Variants in PCDHA3 observed in about 807,000 individuals in gnomAD.
The protein encoded by PCDHA3 is protocadherin alpha 3, also known as protocadherin alpha-3.
A neutral mutation model predicts 62.2 loss-of-function variants in PCDHA3; 41 were observed. The observed-to-expected ratio is 0.66, with a 90% CI of 0.51 to 0.86. The LOEUF (loss-of-function observed/expected upper bound fraction) is 0.86, where lower values mean the gene tolerates loss of function less well. PCDHA3 is among the 40% of genes least tolerant of loss of function. The pLI is 0.00. For synonymous variants in PCDHA3, 640 were observed against 555.4 expected, an observed-to-expected ratio of 1.15 and a Z score of -2.14; for missense variants, 1,304 against 1,241.2, an observed-to-expected ratio of 1.05 and a Z score of -0.76.
At chr5:140,927,004 A>C (rs1194923615) in intron 1 of PCDHA3, 1 of 1,612,238 alleles carries the variant, frequency 6.2e-7, no homozygotes, top group Non-Finnish European at 8.5e-7. Flanking sequence ...AGCCGTAGGC[A>C]ATCTCTCCGC....
chr5:141,005,255 CACTGGTGATACATTGGTGAAT>C (rs1319250318), intron 3 of PCDHA3, among the ~76,000 whole-genome samples: 1 of 152,182 alleles, frequency 6.6e-6, no homozygotes, highest in African/African-American at 2.4e-5. Context: ...TTGTGCTAGG[CACTGGTGATACATTGGTGAAT>C]AAACAGATAC....
chr5:140,805,158 C>T, intron 1 of PCDHA3: 1 of 1,551,850 alleles, frequency 6.4e-7, no homozygotes, highest in South Asian at 1.2e-5. Flanking sequence ...ATTTTCACTT[C>T]ACAGATGTAC....
chr5:140,941,284 TTCTC>T (rs1234192371), intron 1 of PCDHA3, among the ~76,000 whole-genome samples: 2 of 124,572 alleles, frequency 1.6e-5, no homozygotes, highest in African/African-American at 2.8e-5. Flanking sequence ...CTTCCTTCCT[TTCTC>T]TTTCTTTCTT....
intron 1 of PCDHA3, chr5:140,850,708 C>A: frequency 6.3e-7 from 1 of 1,598,016 alleles, no homozygotes; most frequent in Non-Finnish European, 8.6e-7. Flanking sequence ...GGCAAGCCGA[C>A]GCTGGTGTGT....
chr5:141,000,616 C>A (rs1227863226), intron 3 of PCDHA3, among the ~76,000 whole-genome samples: 1 of 150,774 alleles, frequency 6.6e-6, no homozygotes, highest in African/African-American at 2.4e-5. Context: ...TTAGTAGAGA[C>A]AGGGTTTCAC....
chr5:140,871,245 G>A, intron 1 of PCDHA3: 1 of 1,613,982 alleles, frequency 6.2e-7, no homozygotes, highest in Non-Finnish European at 8.5e-7. Flanking sequence ...TACTCACGCT[G>A]CTGCTGTATA....
intron 3 of PCDHA3, among the ~76,000 whole-genome samples, chr5:140,991,746 T>C (rs74524919): frequency 0.01 from 1,537 of 152,318 alleles, 24 homozygotes; most frequent in African/African-American, 0.035. Flanking sequence ...GTAGGCTCTT[T>C]CTATCATGCT....
chr5:140,871,468 G>A lies in PCDHA3; in HGVS notation c.2394+67877G>A, dbSNP rs781821721. 4 of 1,602,054 alleles carry A rather than the reference G, an allele frequency of 2.5e-6. No individual in the cohort carries two copies. In the Admixed American group the frequency reaches 5.2e-5, roughly 21 times the overall value. On this transcript the variant is annotated intron_variant, in intron 1 of 3. Transcript: ENST00000522353. Reference sequence around the variant, plus strand: ...TAAAGAGGAGGAAGGGGAAAGACAGGAGCCAGGGTCAAATCACCCCGGACA... The same window carrying A: ...TAAAGAGGAGGAAGGGGAAAGACAGAAGCCAGGGTCAAATCACCCCGGACA...
chr5:140,849,243 A>G, intron 1 of PCDHA3: 1 of 1,073,288 alleles, frequency 9.3e-7, no homozygotes, highest in Non-Finnish European at 1.3e-6. Context: ...GTATACGGTG[A>G]AATTACCAGA....
intron 3 of PCDHA3, among the ~76,000 whole-genome samples, chr5:141,000,001 T>C (rs2097888294): frequency 6.6e-6 from 1 of 152,030 alleles, no homozygotes; most frequent in African/African-American, 2.4e-5. Flanking sequence ...TGGTATTAGA[T>C]TGGCCTCCCC....
intron 1 of PCDHA3, chr5:140,928,537 A>G (rs2085311063): frequency 1.2e-6 from 2 of 1,614,198 alleles, no homozygotes; most frequent in African/African-American, 2.7e-5. Context: ...GGTAGATAGG[A>G]ATGACAATTA....
At chr5:140,842,730 C>T (rs1302356073) in intron 1 of PCDHA3, 1 of 1,594,964 alleles carries the variant, frequency 6.3e-7, no homozygotes, top group Non-Finnish European at 8.6e-7. Flanking sequence ...AACAACCCGC[C>T]GGGCTGCCAC....
intron 1 of PCDHA3, chr5:140,815,429 A>C (rs1414322754): frequency 6.6e-6 from 1 of 152,162 alleles, no homozygotes; most frequent in Non-Finnish European, 1.5e-5. Context: ...TTAAACTGAT[A>C]GCATCTTTAC....
intron 1 of PCDHA3, among the ~76,000 whole-genome samples, chr5:140,940,208 A>T (rs1193106137): frequency 6.6e-6 from 1 of 152,164 alleles, no homozygotes; most frequent in Non-Finnish European, 1.5e-5. Flanking sequence ...AAAATTCAAG[A>T]TTGGCATTTA....
chr5:140,857,681 G>A (rs2044790199), intron 1 of PCDHA3: 5 of 1,596,954 alleles, frequency 3.1e-6, no homozygotes, highest in East Asian at 4.5e-5. Context: ...GCCGCCTCTG[G>A]GCAGCAACTT....
intron 1 of PCDHA3, chr5:140,848,965 C>G: frequency 6.2e-7 from 1 of 1,606,280 alleles, no homozygotes; most frequent in Non-Finnish European, 8.5e-7. Context: ...CTAGAGGGCG[C>G]GTCCGATGCA....
intron 1 of PCDHA3, chr5:140,843,360 C>T (rs2150358233): frequency 3.1e-6 from 5 of 1,595,970 alleles, no homozygotes; most frequent in East Asian, 2.2e-5. Context: ...AAAGCGTCAT[C>T]GAGGCAGTCG....
intron 1 of PCDHA3, chr5:140,809,071 T>C: frequency 6.2e-7 from 1 of 1,613,898 alleles, no homozygotes; most frequent in Non-Finnish European, 8.5e-7. Flanking sequence ...GGCTGTACAC[T>C]GGCGAGATCA....
chr5:140,875,356 G>C (rs2055432006), intron 1 of PCDHA3: 5 of 1,446,352 alleles, frequency 3.5e-6, no homozygotes, highest in Admixed American at 5.7e-5. Context: ...TGACTGTGAT[G>C]CTGGAAAAAA....
Sources: allele counts gnomAD v4.1 joint callset (sites outside exome capture counted in the v4.1 genomes callset), GRCh38; gene constraint gnomAD v4.1.1; transcripts MANE v1.5; gene names NCBI Gene and HGNC (gene_info 2026-07-23, HGNC 2026-07-21).